SLC25A42: variants seen among roughly 807,000 people sequenced by gnomAD.
The protein encoded by SLC25A42 is mitochondrial coenzyme A transporter SLC25A42.
Under a neutral mutation model 34.7 loss-of-function variants are expected in SLC25A42, and 19 were observed. The ratio of observed to expected loss-of-function variants is 0.55; its 90% CI spans 0.38 to 0.80. SLC25A42 has a LOEUF of 0.80. Among genes scored for constraint, SLC25A42 ranks in the 30% least tolerant of loss-of-function variants. The probability of loss-of-function intolerance (pLI) is 0.00; values close to 1 mark genes in which losing one functional copy is unlikely to be tolerated. For synonymous variants in SLC25A42, 205 were observed against 191.2 expected (o/e 1.07, Z -0.59); for missense variants, 364 against 441.3 (o/e 0.82, Z 1.57).
chr19:19,068,324 C>A (rs930153296), intron 1 of SLC25A42, among the ~76,000 whole-genome samples: 1 of 148,212 alleles, frequency 6.7e-6, no homozygotes, highest in African/African-American at 2.5e-5. Context: ...CATCGCACTC[C>A]AGCCTGGGCG....
At chr19:19,092,612 G>A (rs538812129) in intron 1 of SLC25A42, among the ~76,000 whole-genome samples, 1 of 152,320 alleles carries the variant, frequency 6.6e-6, no homozygotes, top group South Asian at 2.1e-4. Flanking sequence ...ACCTCCTGAG[G>A]AGCTCAGAGC....
chr19:19,102,039 C>T (rs1168495537), intron 3 of SLC25A42, among the ~76,000 whole-genome samples, 153 bp downstream of exon 3: 1 of 151,186 alleles, frequency 6.6e-6, no homozygotes, highest in Admixed American at 6.6e-5. Flanking sequence ...GACGGAGTCT[C>T]GCTCTGTCAC....
At chr19:19,070,294 CA>C (rs2059622695) in intron 1 of SLC25A42, among the ~76,000 whole-genome samples, 1 of 103,336 alleles carries the variant, frequency 9.7e-6, no homozygotes. Flanking sequence ...CCTGCCTGGC[CA>C]TTTTTTTTTT....
intron 5 of SLC25A42, chr19:19,106,056 G>T (rs2059825627): frequency 3.6e-6 from 2 of 558,846 alleles, no homozygotes; most frequent in Non-Finnish European, 6.3e-6. Flanking sequence ...TATGCCAGCA[G>T]GGGGGAAGGG....
chr19:19,067,195 A>G (rs2059607347), intron 1 of SLC25A42, among the ~76,000 whole-genome samples: 1 of 152,116 alleles, frequency 6.6e-6, no homozygotes. Context: ...CCTTTTGAAC[A>G]TCACTTCCAT....
chr19:19,087,094 C>A (rs1226089176), intron 1 of SLC25A42, among the ~76,000 whole-genome samples: 1 of 152,212 alleles, frequency 6.6e-6, no homozygotes, highest in East Asian at 1.9e-4. Flanking sequence ...TAACTCTGTT[C>A]CATTTGACCT....
At chr19:19,099,266 T>C (rs929591510) in intron 2 of SLC25A42, among the ~76,000 whole-genome samples, 1 of 152,118 alleles carries the variant, frequency 6.6e-6, no homozygotes, top group South Asian at 2.1e-4. Context: ...ATGGCGAAGT[T>C]TGGCCTCAGA....
chr19:19,069,495 G>T (rs750485781), intron 1 of SLC25A42, among the ~76,000 whole-genome samples: 3 of 152,200 alleles, frequency 2.0e-5, no homozygotes, highest in African/African-American at 7.2e-5. Flanking sequence ...CAAAATGAAG[G>T]TGTCAACAGG....
intron 1 of SLC25A42, among the ~76,000 whole-genome samples, chr19:19,089,784 A>G (rs1359837016): frequency 6.6e-6 from 1 of 151,002 alleles, no homozygotes; most frequent in African/African-American, 2.4e-5. Context: ...CAGGAGAATC[A>G]CTTGAACCTG....
At chr19:19,105,138 G>A (rs1340513316) in intron 4 of SLC25A42, 200 bp downstream of exon 4, 1 of 643,172 alleles carries the variant, frequency 1.6e-6, no homozygotes, top group African/African-American at 1.8e-5. Context: ...AGTGGGGTGG[G>A]GAGACTCAAC....
In SLC25A42 at chr19:19,095,178, G is replaced by A. The variant is rs932869910; in HGVS notation, c.-34-913G>A. On this transcript the variant is annotated intron_variant, in intron 1 of 7. Transcript: ENST00000318596. The stretch of plus-strand genomic sequence containing the variant: ...ATCATGCCACTGCATTCCAGCCTGG[G>A]CTACAGAGGGAGATTCTGTCAAAGC... Among the ~76,000 whole-genome samples, 6 of 151,454 alleles carry A rather than the reference G, an allele frequency of 4.0e-5. No individual in the cohort carries two copies. The South Asian group carries it at 8.4e-4, about 21-fold the overall frequency.
At chr19:19,094,916 C>T (rs375217805) in intron 1 of SLC25A42, among the ~76,000 whole-genome samples, 6 of 152,130 alleles carry the variant, frequency 3.9e-5, no homozygotes, top group East Asian at 1.9e-4. Context: ...CCAACCCAGT[C>T]GGACGCGGTG....
At chr19:19,096,046 T>C (rs768744910) in intron 1 of SLC25A42, 45 bp from the exon 2 acceptor site, 1 of 1,283,732 alleles carries the variant, frequency 7.8e-7, no homozygotes, top group Non-Finnish European at 1.1e-6. Context: ...ACCCACCATC[T>C]CTCAGGATCT....
At position 19,110,786 on chromosome 19, in the gene SLC25A42, C is replaced by G; in HGVS notation, c.867C>G (p.Ser289Arg). ...GAVRGLYKGL[S>R]MNWVKGPIAV... Reference sequence around the variant, plus strand: ...TGCGCGGCCTCTACAAAGGCTTGAGCATGAACTGGGTCAAGGGTCCCATCG... The same window carrying G: ...TGCGCGGCCTCTACAAAGGCTTGAGGATGAACTGGGTCAAGGGTCCCATCG... The change falls in exon 8 of 8, where the codon AGC becomes AGG. Residue 289 changes from serine to arginine, a missense_variant. By Grantham distance (110) the Ser-to-Arg change is moderately radical. Coordinates refer to ENST00000318596, the MANE Select transcript of SLC25A42 (RefSeq NM_178526.5). 3 of 1,613,820 alleles carry G rather than the reference C, an allele frequency of 1.9e-6. No homozygotes were observed. The highest frequency in any genetic ancestry group is 2.5e-6 in the Non-Finnish European group (3 of 1,180,008).
chr19:19,102,560 A>G (rs1255982428), intron 3 of SLC25A42, among the ~76,000 whole-genome samples: 1 of 151,850 alleles, frequency 6.6e-6, no homozygotes, highest in Non-Finnish European at 1.5e-5. Context: ...CCTAGCCAAC[A>G]TGGTGAAACC....
At chr19:19,106,134 C>G (rs1432976749) in intron 5 of SLC25A42, 135 bp from the exon 6 acceptor site, 2 of 741,382 alleles carry the variant, frequency 2.7e-6, no homozygotes, top group Non-Finnish European at 4.4e-6. Context: ...CAGGAGGAAG[C>G]CAAACCCGCC....
intron 1 of SLC25A42, among the ~76,000 whole-genome samples, chr19:19,075,353 G>A (rs899106115): frequency 6.6e-6 from 1 of 152,142 alleles, no homozygotes; most frequent in Non-Finnish European, 1.5e-5. Flanking sequence ...ATACCCCGCC[G>A]AGCTTTGTTT....
intron 7 of SLC25A42, among the ~76,000 whole-genome samples, chr19:19,108,353 C>T (rs926741925): frequency 6.6e-5 from 10 of 152,126 alleles, no homozygotes; most frequent in African/African-American, 2.4e-4. Flanking sequence ...GAGTTGCAGA[C>T]CAGCCTGGGC....
rs562860662 is a variant in SLC25A42 at position 19,112,088 on chromosome 19, T to G, written c.*1212T>G. 1.9e-4 allele frequency: 29 copies of G among 152,328 alleles called. No homozygotes were observed. The highest frequency in any genetic ancestry group is 1.7e-3 in the South Asian group (8 of 4,826). 9.4% of individuals were successfully genotyped at this position (152,328 alleles called of 1,614,324 possible). On this transcript the variant is annotated 3_prime_UTR_variant, in exon 8 of 8. Transcript: ENST00000318596. This position sits in a 1 kb window ranked among gnomAD's most constrained non-coding sequence, Gnocchi z 4.3. ...CATGGTGAGTTTCTTGATTTCTTTT[T>G]TTTGTTTGTTTTGTTTTGGTTTTCA...
Sources: allele counts gnomAD v4.1 joint callset (sites outside exome capture counted in the v4.1 genomes callset), GRCh38; gene constraint gnomAD v4.1.1; non-coding constraint Gnocchi (gnomAD v3.1); transcripts MANE v1.5; gene names NCBI Gene and HGNC (gene_info 2026-07-23, HGNC 2026-07-21).